The following MCC variants were observed in gnomAD, a reference collection of about 807,000 sequenced individuals.
The protein encoded by MCC is MCC regulator of Wnt signaling pathway.
In MCC, 90 loss-of-function variants were observed where a neutral mutation model predicts 116.2. The ratio of observed to expected loss-of-function variants is 0.77; its 90% CI spans 0.65 to 0.92. The LOEUF (loss-of-function observed/expected upper bound fraction) is 0.92, where lower values mean the gene tolerates loss of function less well. Ranked by LOEUF, MCC falls within the 40% of genes least tolerant of loss-of-function variation. The pLI, the probability that MCC is intolerant of heterozygous loss-of-function variation, is 0.00. For missense variants in MCC, 1,516 were observed against 1,312.2 expected, an observed-to-expected ratio of 1.16 and a Z score of -2.40; for synonymous variants, 578 against 510.5, an observed-to-expected ratio of 1.13 and a Z score of -1.78.
chr5:113,463,471 T>C (rs951230224), intron 1 of MCC, among the ~76,000 whole-genome samples: 4 of 152,110 alleles, frequency 2.6e-5, no homozygotes, highest in African/African-American at 9.7e-5. Context: ...GGTAAAATAA[T>C]AGGACTTGGT....
At chr5:113,458,126 C>A (rs1771630263) in intron 1 of MCC, among the ~76,000 whole-genome samples, 1 of 152,188 alleles carries the variant, frequency 6.6e-6, no homozygotes, top group Non-Finnish European at 1.5e-5. Context: ...GCTGCCCGAG[C>A]TAGCAGTGGC....
intron 2 of MCC, among the ~76,000 whole-genome samples, chr5:113,366,532 G>A (rs1768692561): frequency 6.6e-6 from 1 of 152,074 alleles, no homozygotes; most frequent in Non-Finnish European, 1.5e-5. Flanking sequence ...AGAATATATA[G>A]CCCTCTAGGC....
intron 13 of MCC, among the ~76,000 whole-genome samples, chr5:113,065,803 G>T (rs775602546): frequency 2.0e-5 from 3 of 152,028 alleles, no homozygotes. Flanking sequence ...TGGGTGGCAT[G>T]ATGGCACAGT....
chr5:113,399,525 G>A (rs879438064), intron 1 of MCC, among the ~76,000 whole-genome samples: 2 of 151,942 alleles, frequency 1.3e-5, no homozygotes, highest in African/African-American at 4.8e-5. Flanking sequence ...TATTATTAAG[G>A]TTATTTACTA....
rs1766887433 is a variant in MCC, at chr5:113,302,482, T to A, written c.627+38037A>T. Among the ~76,000 whole-genome samples the A allele has an allele frequency of 2.0e-5, 3 of 152,226 alleles. No individual in the cohort carries two copies. The South Asian group carries it at 6.2e-4, about 32-fold the overall frequency. ...AATTATGAATTGTGAAAATTACATA[T>A]TATACAGTATTCAGAAATATACTTT... On this transcript the variant is annotated intron_variant, in intron 3 of 18. Transcript: ENST00000408903.
intron 1 of MCC, among the ~76,000 whole-genome samples, chr5:113,413,995 G>A (rs1317687227): frequency 2.0e-5 from 3 of 152,178 alleles, no homozygotes; most frequent in Non-Finnish European, 4.4e-5. Context: ...TGGTTTCAAA[G>A]AACATCTTTA....
chr5:113,216,245 G>A (rs1763310311), intron 3 of MCC, among the ~76,000 whole-genome samples: 1 of 152,132 alleles, frequency 6.6e-6, no homozygotes, highest in Admixed American at 6.5e-5. Context: ...GCCAACCCTT[G>A]CCCTACCTAT....
intron 3 of MCC, among the ~76,000 whole-genome samples, chr5:113,312,817 A>T (rs1221333016): frequency 6.6e-6 from 1 of 152,170 alleles, no homozygotes; most frequent in Admixed American, 6.5e-5. Context: ...AAAAATATTT[A>T]TTTATCCATC....
At chr5:113,162,279 A>G (rs1760531488) in intron 3 of MCC, among the ~76,000 whole-genome samples, 1 of 152,234 alleles carries the variant, frequency 6.6e-6, no homozygotes, top group Admixed American at 6.5e-5. Flanking sequence ...GGTTAAGGAC[A>G]TAGGCTTTGT....
intron 3 of MCC, among the ~76,000 whole-genome samples, chr5:113,201,064 A>C (rs535266664): frequency 6.6e-6 from 1 of 152,276 alleles, no homozygotes; most frequent in East Asian, 1.9e-4. Flanking sequence ...GGATGTATCC[A>C]TCTATATGCT....
intron 3 of MCC, among the ~76,000 whole-genome samples, chr5:113,309,130 A>C (rs1035323267): frequency 4.1e-4 from 63 of 152,360 alleles, no homozygotes; most frequent in Non-Finnish European, 5.4e-4. Context: ...ACAGAATTTG[A>C]ATCAACATCC....
intron 12 of MCC, among the ~76,000 whole-genome samples, chr5:113,068,392 C>T (rs1020563969): frequency 5.9e-5 from 9 of 152,144 alleles, no homozygotes. Flanking sequence ...TAACTTGGTT[C>T]TGGAAAAATA....
intron 1 of MCC, among the ~76,000 whole-genome samples, chr5:113,471,143 G>GAA (rs35403800): frequency 1.3e-5 from 2 of 150,926 alleles, no homozygotes; most frequent in Non-Finnish European, 3.0e-5. Flanking sequence ...CTGTAACTCA[G>GAA]TCATTTGATC....
rs943920894 is a variant in MCC at position 113,213,299 on chromosome 5, C to A, written c.628-61877G>T. Among the ~76,000 whole-genome samples the A allele has an allele frequency of 2.0e-5, 3 of 152,088 alleles. No homozygotes were observed. The East Asian group carries it at 5.8e-4, about 29-fold the overall frequency. On this transcript the variant is annotated intron_variant, in intron 3 of 18. Coordinates refer to ENST00000408903, the MANE Select transcript of MCC (RefSeq NM_001085377.2). ...AGTTTAGCAGGCTAATAAGAAATAC[C>A]ACAAGGGGTTAAAATATTAAGCAGA...
chr5:113,128,893 C>A (rs1758258409), intron 5 of MCC, among the ~76,000 whole-genome samples: 1 of 152,188 alleles, frequency 6.6e-6, no homozygotes, highest in African/African-American at 2.4e-5. Flanking sequence ...GAACAGATGC[C>A]TGTGTGTTTT....
At chr5:113,220,063 C>CT (rs70973676) in intron 3 of MCC, among the ~76,000 whole-genome samples, 1,480 of 73,788 alleles carry the variant, frequency 0.02, 64 homozygotes, top group African/African-American at 0.042. Flanking sequence ...ATTTCTTTTT[C>CT]TTTTTTTTTT....
chr5:113,264,416 C>T (rs1244371369), intron 3 of MCC, among the ~76,000 whole-genome samples: 1 of 152,228 alleles, frequency 6.6e-6, no homozygotes, highest in African/African-American at 2.4e-5. Context: ...AAAATCTTTT[C>T]TTCCTCTCAA....
intron 1 of MCC, among the ~76,000 whole-genome samples, chr5:113,442,053 T>C (rs997280387): frequency 6.6e-6 from 1 of 152,226 alleles, no homozygotes; most frequent in Non-Finnish European, 1.5e-5. Context: ...TCTAGATCCT[T>C]GAGGAATCCA....
intron 2 of MCC, among the ~76,000 whole-genome samples, chr5:113,346,159 C>A (rs1768126729): frequency 6.6e-6 from 1 of 151,930 alleles, no homozygotes; most frequent in Non-Finnish European, 1.5e-5. Context: ...AGAGGGGTGA[C>A]ACAAGCACAG....
Sources: allele counts gnomAD v4.1 joint callset (sites outside exome capture counted in the v4.1 genomes callset), GRCh38; gene constraint gnomAD v4.1.1; transcripts MANE v1.5; gene names NCBI Gene and HGNC (gene_info 2026-07-23, HGNC 2026-07-21).